The following NT5E variants were observed in gnomAD, a reference collection of about 807,000 sequenced individuals.
The protein encoded by NT5E is 5'-nucleotidase ecto, also known as 5'-nucleotidase.
Under a neutral mutation model 55.1 loss-of-function variants are expected in NT5E, and 53 were observed. That is an observed-to-expected ratio of 0.96 (90% confidence interval 0.77 to 1.21). NT5E has a LOEUF of 1.21. NT5E is among the 50% of genes most tolerant of loss of function. The pLI, the probability that NT5E is intolerant of heterozygous loss-of-function variation, is 0.00. For synonymous variants in NT5E, 270 were observed against 278.4 expected (o/e 0.97, Z 0.30); for missense variants, 683 against 724.3 (o/e 0.94, Z 0.65).
chr6:85,491,938 C>G, intron 7 of NT5E, 39 bp from the exon 8 acceptor site: 2 of 1,585,668 alleles, frequency 1.3e-6, no homozygotes, highest in South Asian at 2.2e-5. Context: ...CAGAAATCTC[C>G]CTTTGGATCT....
chr6:85,468,842 G>A (rs1185313720), intron 2 of NT5E, among the ~76,000 whole-genome samples: 1 of 152,170 alleles, frequency 6.6e-6, no homozygotes, highest in Non-Finnish European at 1.5e-5. Context: ...CTGGGACTCT[G>A]ACCAGCCCTT....
intron 2 of NT5E, among the ~76,000 whole-genome samples, chr6:85,468,691 A>G (rs1199684659): frequency 6.6e-6 from 1 of 152,192 alleles, no homozygotes; most frequent in Non-Finnish European, 1.5e-5. Flanking sequence ...AAGTTGGATC[A>G]GGGCTAGATT....
chr6:85,486,368 A>G (rs947545200), intron 4 of NT5E, among the ~76,000 whole-genome samples: 3 of 152,220 alleles, frequency 2.0e-5, no homozygotes, highest in African/African-American at 7.2e-5. Flanking sequence ...ACAGGACATG[A>G]AGCTAGATAA....
Position 85,494,135 on chromosome 6 carries a change from C to A in NT5E, c.*131C>A. On this transcript the variant is annotated 3_prime_UTR_variant, in exon 9 of 9. Coordinates refer to ENST00000257770, the MANE Select transcript of NT5E (RefSeq NM_002526.4). ...GGCTCCTAGAAGCTGAAGGTTAGAG[C>A]ATTATAAAATGAAGAGACAGACATG... 1.1e-6 allele frequency: 1 copy of A among 871,270 alleles called. No individual in the cohort carries two copies. Among genetic ancestry groups the A allele is most frequent in the Non-Finnish European group, 1.8e-6 (1 of 552,560 alleles). The allele number at this position is 871,270 out of a possible 1,614,324, so 54.0% of individuals were successfully genotyped here. A position where few individuals can be genotyped will look rare whatever the true frequency, so the allele number is the denominator to read the frequency against.
chr6:85,450,147 C>G lies in NT5E; in HGVS notation c.8C>G (p.Pro3Arg). 1 of 1,577,690 alleles carries G rather than the reference C, an allele frequency of 6.3e-7. No individual in the cohort carries two copies. The highest frequency in any genetic ancestry group is 8.6e-7 in the Non-Finnish European group (1 of 1,164,916). The change falls in exon 1 of 9, where the codon CCC (proline) becomes CGC (arginine). Residue 3 changes from proline to arginine, a missense_variant. Physicochemically the swap from Pro to Arg is moderately radical, Grantham distance 103. Coordinates refer to ENST00000257770, the MANE Select transcript of NT5E (RefSeq NM_002526.4). This position sits in a 1 kb window ranked among gnomAD's most constrained non-coding sequence, Gnocchi z 4.0. Reference protein sequence around the residue: MCPRAARAPATLL... With the variant: MCRRAARAPATLL... ...AGTTCACGCGCCACAGCTATGTGTC[C>G]CCGAGCCGCGCGGGCGCCCGCGACG...
chr6:85,453,927 T>C (rs1238101677), intron 1 of NT5E, among the ~76,000 whole-genome samples: 1 of 152,210 alleles, frequency 6.6e-6, no homozygotes, highest in Non-Finnish European at 1.5e-5. Flanking sequence ...TCAAAACCTT[T>C]GTGTGCTTAT....
chr6:85,464,263 A>G (rs1456338741), intron 1 of NT5E, among the ~76,000 whole-genome samples: 5 of 152,262 alleles, frequency 3.3e-5, no homozygotes, highest in South Asian at 2.1e-4. Flanking sequence ...CAGTAAAATG[A>G]GTGCAGTAAG....
rs570567635 is a variant in NT5E at position 85,485,087 on chromosome 6, G to C, written c.752-148G>C. On this transcript the variant is annotated intron_variant, in intron 3 of 8. Coordinates refer to ENST00000257770, the MANE Select transcript of NT5E (RefSeq NM_002526.4). Reference sequence around the variant, plus strand: ...GCATTTGGAAATGGGCAAATGCCCAGATAGGGCTCTGAAAGACTAGCTATG... The same window carrying C: ...GCATTTGGAAATGGGCAAATGCCCACATAGGGCTCTGAAAGACTAGCTATG... 1.5e-4 allele frequency: 116 copies of C among 756,542 alleles called. No individual in the cohort carries two copies. In the African/African-American group the frequency reaches 1.9e-3, roughly 12 times the overall value. The allele number at this position is 756,542 out of a possible 1,614,324, so 46.9% of individuals were successfully genotyped here. A position where few individuals can be genotyped will look rare whatever the true frequency, so the allele number is the denominator to read the frequency against.
chr6:85,459,331 G>T (rs552340916), intron 1 of NT5E, among the ~76,000 whole-genome samples: 135 of 152,306 alleles, frequency 8.9e-4, no homozygotes, highest in Non-Finnish European at 1.5e-3. Flanking sequence ...ATGAGCTAGC[G>T]TGTAAGTGAC....
In NT5E at chr6:85,489,570, T is replaced by C. The variant is rs1205391911; in HGVS notation, c.1181T>C (p.Ile394Thr). Residue 394 changes from isoleucine to threonine, a missense_variant, in exon 6 of 9, where the codon ATC becomes ACC. Coordinates refer to ENST00000257770, the MANE Select transcript of NT5E (RefSeq NM_002526.4). ...VSMCILNGGG[I>T]RSPIDERNNG... ...ATGTGCATTTTAAATGGAGGTGGTA[T>C]CCGGTCGCCCATTGATGAACGCAAC... 2 of 1,613,790 alleles carry C rather than the reference T, an allele frequency of 1.2e-6. No individual in the cohort carries two copies. The highest frequency in any genetic ancestry group is 1.7e-6 in the Non-Finnish European group (2 of 1,179,874).
intron 3 of NT5E, among the ~76,000 whole-genome samples, chr6:85,475,333 TC>T (rs775708442): frequency 6.6e-5 from 10 of 152,220 alleles, no homozygotes; most frequent in Non-Finnish European, 1.5e-4. Flanking sequence ...TTTTTAAAAC[TC>T]AGCTTCAAAT....
intron 1 of NT5E, among the ~76,000 whole-genome samples, chr6:85,456,716 C>G: frequency 6.6e-6 from 1 of 152,106 alleles, no homozygotes; most frequent in Non-Finnish European, 1.5e-5. Flanking sequence ...ATGATAACAC[C>G]TGAACTCTGG....
At chr6:85,471,758 A>G (rs1355978922) in intron 3 of NT5E, among the ~76,000 whole-genome samples, 1 of 152,124 alleles carries the variant, frequency 6.6e-6, no homozygotes, top group East Asian at 1.9e-4. Flanking sequence ...TTTATGATAG[A>G]TTCTTATCAA....
At chr6:85,478,168 T>C (rs1214103598) in intron 3 of NT5E, among the ~76,000 whole-genome samples, 1 of 152,212 alleles carries the variant, frequency 6.6e-6, no homozygotes, top group African/African-American at 2.4e-5. Context: ...CTGCTTCCTT[T>C]ACAGAGCAAA....
chr6:85,471,545 A>C (rs944422567), intron 3 of NT5E, 120 bp downstream of exon 3: 1 of 597,800 alleles, frequency 1.7e-6, no homozygotes. Flanking sequence ...ATATTATATG[A>C]TCTATAATAT....
intron 2 of NT5E, among the ~76,000 whole-genome samples, chr6:85,470,722 G>T (rs1054755972): frequency 1.3e-5 from 2 of 152,200 alleles, no homozygotes; most frequent in African/African-American, 2.4e-5. Flanking sequence ...GATTACAAGC[G>T]TGAGCCACTG....
At chr6:85,466,147 C>A (rs1433689502) in intron 1 of NT5E, among the ~76,000 whole-genome samples, 1 of 152,062 alleles carries the variant, frequency 6.6e-6, no homozygotes, top group Non-Finnish European at 1.5e-5. Context: ...GTCAGTGGGG[C>A]CTCTGCATGG....
At chr6:85,485,492 C>T (rs1253216076) in intron 4 of NT5E, 60 bp downstream of exon 4, 3 of 1,520,054 alleles carry the variant, frequency 2.0e-6, no homozygotes, top group Admixed American at 1.7e-5. Flanking sequence ...GGATATTTTG[C>T]TCCTTCCCAT....
At chr6:85,478,522 A>T (rs1005310440) in intron 3 of NT5E, among the ~76,000 whole-genome samples, 1 of 151,632 alleles carries the variant, frequency 6.6e-6, no homozygotes, top group Non-Finnish European at 1.5e-5. Flanking sequence ...AGTGCTTTAA[A>T]CTCTAAGAAC....
Sources: allele counts gnomAD v4.1 joint callset (sites outside exome capture counted in the v4.1 genomes callset), GRCh38; gene constraint gnomAD v4.1.1; non-coding constraint Gnocchi (gnomAD v3.1); transcripts MANE v1.5; gene names NCBI Gene and HGNC (gene_info 2026-07-23, HGNC 2026-07-21).